Variants in SHISAL2A observed in about 807,000 individuals in gnomAD.
The protein encoded by SHISAL2A is protein shisa-like-2A.
SHISAL2A carries 18 observed loss-of-function variants against 11.5 expected under a neutral mutation model. The ratio of observed to expected loss-of-function variants is 1.57; its 90% CI spans 1.08 to 2.33. The LOEUF is 2.33. SHISAL2A is among the 30% of genes most tolerant of loss of function. The probability of loss-of-function intolerance (pLI) is 0.00; values close to 1 mark genes in which losing one functional copy is unlikely to be tolerated. For synonymous variants in SHISAL2A, 94 were observed against 99.6 expected (o/e 0.94, Z 0.34); for missense variants, 261 against 250.9 (o/e 1.04, Z -0.27).
At chr1:52,657,088 T>A (rs556721252), downstream of SHISAL2A, 32 of 1,528,326 alleles carry the variant, frequency 2.1e-5, no homozygotes, top group Non-Finnish European at 2.6e-5. Flanking sequence ...GTCTCTTCAG[T>A]GAAAGGTGGG....
chr1:52,664,426 G>A (rs1477176554), intron 4 of SHISAL2A, among the ~76,000 whole-genome samples: 2 of 151,788 alleles, frequency 1.3e-5, no homozygotes, highest in Non-Finnish European at 2.9e-5. Flanking sequence ...CGCAATCTTG[G>A]CTCACCGCAA....
At chr1:52,649,508 G>T (rs1413749322) in intron 2 of SHISAL2A, among the ~76,000 whole-genome samples, 1 of 152,186 alleles carries the variant, frequency 6.6e-6, no homozygotes, top group East Asian at 1.9e-4. Context: ...TCTGAAATAG[G>T]CTTCTTTCCC....
intron 2 of SHISAL2A, among the ~76,000 whole-genome samples, chr1:52,652,443 A>G (rs1370164089): frequency 2.0e-5 from 3 of 152,184 alleles, no homozygotes; most frequent in Non-Finnish European, 4.4e-5. Context: ...TTAACAAACA[A>G]GTTTTTTTGT....
At chr1:52,652,279 G>A (rs900308482) in intron 2 of SHISAL2A, among the ~76,000 whole-genome samples, 7 of 152,184 alleles carry the variant, frequency 4.6e-5, no homozygotes, top group African/African-American at 1.4e-4. Context: ...GAACAGAGCT[G>A]AAATCAGTGG....
chr1:52,638,387 C>A (rs527272286), intron 1 of SHISAL2A, among the ~76,000 whole-genome samples: 1 of 145,696 alleles, frequency 6.9e-6, no homozygotes, highest in African/African-American at 2.7e-5. Context: ...GCCCTACGAA[C>A]AGTAAGCATA....
chr1:52,652,443 AG>A lies in SHISAL2A; in HGVS notation c.323-4346del, dbSNP rs567297778. ...AATTTGTTTTGTTTTTTAACAAACA[AG>A]TTTTTTTGTTTTGTTAAATTGTTTT... On this transcript the variant is annotated intron_variant, in intron 2 of 2. Coordinates refer to ENST00000517870, the MANE Select transcript of SHISAL2A (RefSeq NM_001042693.3). Among the ~76,000 whole-genome samples the A allele has an allele frequency of 2.0e-4, 30 of 152,302 alleles. 1 individual carries two copies. The East Asian group carries it at 5.6e-3, about 28-fold the overall frequency.
chr1:52,642,352 C>G (rs76688838), intron 1 of SHISAL2A, among the ~76,000 whole-genome samples: 5,674 of 151,996 alleles, frequency 0.037, 378 homozygotes, highest in African/African-American at 0.13. Flanking sequence ...CTTTCCCATG[C>G]TGAAGCATAG....
At position 52,656,816 on chromosome 1, in the gene SHISAL2A, C is replaced by A. The variant is rs1251714552; in HGVS notation, c.349C>A (p.Gln117Lys). ...AGPEEVSPDC[Q>K]GVNTGMAAEV... Reference sequence around the variant, plus strand: ...CCCTGAGGAGGTTTCTCCTGACTGCCAAGGTGTGAACACAGGCATGGCGGC... The same window carrying A: ...CCCTGAGGAGGTTTCTCCTGACTGCAAAGGTGTGAACACAGGCATGGCGGC... Residue 117 changes from glutamine to lysine, a missense_variant, in exon 3 of 3, where the codon CAA (glutamine) becomes AAA (lysine). Physicochemically the swap from Gln to Lys is moderately conservative, Grantham distance 53. Transcript: ENST00000517870. 6.2e-7 allele frequency: 1 copy of A among 1,613,072 alleles called. No homozygotes were observed. The highest frequency in any genetic ancestry group is 1.7e-4 in the Middle Eastern group (1 of 6,056).
At chr1:52,658,462 G>C (rs762216441), downstream of SHISAL2A, among the ~76,000 whole-genome samples, 1 of 152,188 alleles carries the variant, frequency 6.6e-6, no homozygotes, top group Admixed American at 6.5e-5. Flanking sequence ...GGAGCCAAAT[G>C]CCTGGTTAAA....
At chr1:52,646,593 A>G (rs1691506828) in intron 2 of SHISAL2A, among the ~76,000 whole-genome samples, 1 of 151,970 alleles carries the variant, frequency 6.6e-6, no homozygotes, top group Non-Finnish European at 1.5e-5. Context: ...ATTTACTTGT[A>G]ACGTCAGCAT....
intron 4 of SHISAL2A, among the ~76,000 whole-genome samples, chr1:52,664,458 C>T (rs1460495175): frequency 1.3e-5 from 2 of 151,656 alleles, no homozygotes; most frequent in African/African-American, 2.4e-5. Context: ...CGGGTTCAAG[C>T]GATTCTCCTG....
intron 2 of SHISAL2A, among the ~76,000 whole-genome samples, chr1:52,648,079 T>TAA (rs1691543177): frequency 6.8e-6 from 1 of 147,396 alleles, no homozygotes; most frequent in Admixed American, 6.8e-5. Context: ...ATATATCATA[T>TAA]AATTATATAT....
chr1:52,634,897 T>C (rs1052585855), intron 1 of SHISAL2A, among the ~76,000 whole-genome samples: 8 of 152,178 alleles, frequency 5.3e-5, no homozygotes. Context: ...TCAAATGACA[T>C]ACATAACAGA....
chr1:52,646,963 G>A (rs1361068664), intron 2 of SHISAL2A, among the ~76,000 whole-genome samples: 1 of 152,116 alleles, frequency 6.6e-6, no homozygotes, highest in Admixed American at 6.5e-5. Context: ...TCAAGTAGCT[G>A]AGACTACAGG....
chr1:52,664,517 G>A (rs991245905), intron 4 of SHISAL2A, among the ~76,000 whole-genome samples: 27 of 149,336 alleles, frequency 1.8e-4, no homozygotes, highest in African/African-American at 6.5e-4. Flanking sequence ...CACCATGCCC[G>A]GCTAATTTTT....
chr1:52,657,377 G>A (rs1691813394), downstream of SHISAL2A, among the ~76,000 whole-genome samples: 1 of 152,174 alleles, frequency 6.6e-6, no homozygotes, highest in Admixed American at 6.6e-5. Context: ...AGGAGCCCCT[G>A]AGAAGATGAT....
At chr1:52,652,800 C>T (rs932013906) in intron 2 of SHISAL2A, among the ~76,000 whole-genome samples, 1 of 151,250 alleles carries the variant, frequency 6.6e-6, no homozygotes, top group South Asian at 2.1e-4. Flanking sequence ...CCCATCTCTA[C>T]TAAAAATACA....
At chr1:52,660,325 C>T (rs1164720966), downstream of SHISAL2A, among the ~76,000 whole-genome samples, 1 of 152,090 alleles carries the variant, frequency 6.6e-6, no homozygotes, top group Non-Finnish European at 1.5e-5. Context: ...CCCTGCCCCC[C>T]AACAGCTCCT....
chr1:52,656,256 G>T (rs1192259364), intron 2 of SHISAL2A, among the ~76,000 whole-genome samples: 1 of 152,176 alleles, frequency 6.6e-6, no homozygotes, highest in East Asian at 1.9e-4. Flanking sequence ...ATAGTTTGAA[G>T]GTATAGTGGG....
Sources: gnomAD v4.1 joint callset for allele counts (sites outside exome capture counted in the v4.1 genomes callset) on GRCh38, gnomAD v4.1.1 for gene constraint, MANE v1.5 for transcripts, NCBI Gene and HGNC (gene_info 2026-07-23, HGNC 2026-07-21) for gene names.